UBASH3B: variants seen among roughly 807,000 people sequenced by gnomAD.
UBASH3B encodes the protein ubiquitin-associated and SH3 domain-containing protein B.
A neutral mutation model predicts 83.4 loss-of-function variants in UBASH3B; 37 were observed. The observed-to-expected ratio is 0.44, with a 90% CI of 0.34 to 0.58. The LOEUF (loss-of-function observed/expected upper bound fraction) is 0.58, where lower values mean the gene tolerates loss of function less well. Ranked by LOEUF, UBASH3B falls within the 20% of genes least tolerant of loss-of-function variation. UBASH3B has a pLI of 0.01. For synonymous variants in UBASH3B, 304 were observed against 318.3 expected, an observed-to-expected ratio of 0.96 and a Z score of 0.48; for missense variants, 657 against 827.2, an observed-to-expected ratio of 0.79 and a Z score of 2.52.
In UBASH3B at chr11:122,777,229, A is replaced by G; in HGVS notation, c.402+19A>G. The G allele has an allele frequency of 3.8e-6, 6 of 1,592,858 alleles. No homozygotes were observed. The highest frequency in any genetic ancestry group is 5.1e-6 in the Non-Finnish European group (6 of 1,168,406). ...CTTTATGGTGAGCGGCAGCGCCCCC[A>G]CCCCTGGGAAGCCTGGCTCCTAGGA... On this transcript the variant is annotated intron_variant, in intron 3 of 13. Transcript: ENST00000284273.
chr11:122,695,885 C>T (rs544062974), intron 1 of UBASH3B, among the ~76,000 whole-genome samples: 3 of 152,340 alleles, frequency 2.0e-5, no homozygotes, highest in East Asian at 3.9e-4. Context: ...TGGGAAGTTA[C>T]TAAATAGTCA....
intron 1 of UBASH3B, among the ~76,000 whole-genome samples, chr11:122,721,674 G>A (rs555287604): frequency 7.9e-5 from 12 of 152,284 alleles, no homozygotes; most frequent in African/African-American, 2.4e-4. Context: ...GGTGGGAGGT[G>A]GGAGCTACAT....
At chr11:122,786,341 G>C (rs1860952147) in intron 5 of UBASH3B, among the ~76,000 whole-genome samples, 1 of 151,738 alleles carries the variant, frequency 6.6e-6, no homozygotes, top group African/African-American at 2.4e-5. Context: ...GAGCCACAGT[G>C]CCGGTCCTGG....
chr11:122,723,977 A>G (rs1860687379), intron 1 of UBASH3B, among the ~76,000 whole-genome samples: 4 of 152,056 alleles, frequency 2.6e-5, no homozygotes, highest in Admixed American at 2.6e-4. Context: ...CCGGAGTTTA[A>G]ATGCTTATGT....
intron 1 of UBASH3B, among the ~76,000 whole-genome samples, chr11:122,760,203 C>T (rs1455685536): frequency 6.6e-6 from 1 of 152,178 alleles, no homozygotes; most frequent in East Asian, 1.9e-4. Context: ...TGCTATGATA[C>T]AACCGCCTGG....
intron 6 of UBASH3B, 94 bp downstream of exon 6, chr11:122,789,402 G>A: frequency 2.2e-6 from 3 of 1,362,020 alleles, no homozygotes; most frequent in Non-Finnish European, 3.1e-6. Flanking sequence ...TGGAGTCCAT[G>A]GGAAGAAGGC....
intron 10 of UBASH3B, among the ~76,000 whole-genome samples, chr11:122,800,963 T>A (rs1861248696): frequency 6.6e-6 from 1 of 152,192 alleles, no homozygotes; most frequent in Non-Finnish European, 1.5e-5. Flanking sequence ...CAGATATGAC[T>A]TAAAGCCAGC....
chr11:122,767,457 T>C (rs1456547279), intron 1 of UBASH3B, among the ~76,000 whole-genome samples: 2 of 151,990 alleles, frequency 1.3e-5, no homozygotes, highest in African/African-American at 2.4e-5. Context: ...ACTACAGGCA[T>C]GTGCCACCAT....
intron 1 of UBASH3B, among the ~76,000 whole-genome samples, chr11:122,764,722 G>A (rs893787191): frequency 1.3e-5 from 2 of 152,220 alleles, no homozygotes; most frequent in African/African-American, 2.4e-5. Flanking sequence ...GAGAGGTGCT[G>A]TAGTACGTGA....
rs1860880257 is a variant in UBASH3B, at chr11:122,782,895, CCTTATTCTACTG to C, written c.602-155_602-144del. The C allele has an allele frequency of 9.5e-6, 8 of 840,638 alleles. No individual in the cohort carries two copies. The East Asian group carries it at 1.8e-4, about 18-fold the overall frequency. 52.1% of individuals were successfully genotyped at this position (840,638 alleles called of 1,614,324 possible). A position where few individuals can be genotyped will look rare whatever the true frequency, so the allele number is the denominator to read the frequency against. ...GGAATCTCTTGCCATCCCCTTACCC[CCTTATTCTACTG>C]CTGTGAAGGAGAGAAACGTCTTTTG... is the stretch of plus-strand genomic sequence containing the variant. On this transcript the variant is annotated intron_variant, in intron 4 of 13. Coordinates refer to ENST00000284273, the MANE Select transcript of UBASH3B (RefSeq NM_032873.5).
rs962186885 is a variant in UBASH3B, at chr11:122,808,095, A to G, written c.1731A>G (p.Ala577=). 5.0e-6 allele frequency: 8 copies of G among 1,614,130 alleles called. No homozygotes were observed. The highest frequency in any genetic ancestry group is 1.7e-6 in the Non-Finnish European group (2 of 1,179,994). The change falls in exon 13 of 14, where the codon GCA becomes GCG. Residue 577 remains alanine, a synonymous_variant. Coordinates refer to ENST00000284273, the MANE Select transcript of UBASH3B (RefSeq NM_032873.5). ...KGNNILIVAH[A]SSLEACTCQL... ...ATAACATCCTGATTGTGGCCCACGC[A>G]TCTTCCCTTGAAGCGTGTACCTGCC...
intron 1 of UBASH3B, among the ~76,000 whole-genome samples, chr11:122,738,074 G>C (rs1241327228): frequency 6.6e-6 from 1 of 152,214 alleles, no homozygotes; most frequent in African/African-American, 2.4e-5. Flanking sequence ...AGAGAACAAA[G>C]GGAGGGCTCC....
At chr11:122,694,215 A>T (rs1020515539) in intron 1 of UBASH3B, among the ~76,000 whole-genome samples, 7 of 120,256 alleles carry the variant, frequency 5.8e-5, no homozygotes, top group Non-Finnish European at 1.2e-4. Flanking sequence ...TCTCTTTTTT[A>T]TGAGAGCTAT....
At chr11:122,760,942 T>C (rs1448333512) in intron 1 of UBASH3B, among the ~76,000 whole-genome samples, 1 of 152,218 alleles carries the variant, frequency 6.6e-6, no homozygotes, top group Admixed American at 6.5e-5. Context: ...GACCATCCAG[T>C]TGTTTCTCTA....
At chr11:122,803,981 G>A (rs11218824) in intron 11 of UBASH3B, among the ~76,000 whole-genome samples, 9,626 of 152,020 alleles carry the variant, frequency 0.063, 776 homozygotes, top group East Asian at 0.29. Flanking sequence ...TCCAGACACT[G>A]GAGTCATTCA....
At chr11:122,731,006 A>G (rs1565544786) in intron 1 of UBASH3B, among the ~76,000 whole-genome samples, 3 of 152,120 alleles carry the variant, frequency 2.0e-5, no homozygotes, top group Admixed American at 6.5e-5. Flanking sequence ...CATGTCTGCA[A>G]TCCCCATAGT....
intron 1 of UBASH3B, among the ~76,000 whole-genome samples, chr11:122,658,264 T>C (rs1863390643): frequency 6.6e-6 from 1 of 151,958 alleles, no homozygotes; most frequent in African/African-American, 2.4e-5. Flanking sequence ...GGCTACTGCC[T>C]TTTTTGAAAT....
intron 1 of UBASH3B, among the ~76,000 whole-genome samples, chr11:122,696,341 CTTTTTG>C (rs1863965292): frequency 6.8e-6 from 1 of 146,036 alleles, no homozygotes; most frequent in African/African-American, 2.5e-5. Flanking sequence ...TTTCTTTTTT[CTTTTTG>C]TTTTTGAGAT....
At chr11:122,672,660 TG>T (rs2135901040) in intron 1 of UBASH3B, among the ~76,000 whole-genome samples, 1 of 152,230 alleles carries the variant, frequency 6.6e-6, no homozygotes, top group East Asian at 1.9e-4. Context: ...TTATAATTGC[TG>T]GGGACAGGGT....
Sources: allele counts gnomAD v4.1 joint callset (sites outside exome capture counted in the v4.1 genomes callset), GRCh38; gene constraint gnomAD v4.1.1; transcripts MANE v1.5; gene names NCBI Gene and HGNC (gene_info 2026-07-23, HGNC 2026-07-21).